RUSC2: variants seen among roughly 807,000 people sequenced by gnomAD.
RUSC2 encodes RUN and SH3 domain containing 2.
RUSC2 carries 34 observed loss-of-function variants against 122.2 expected under a neutral mutation model. The ratio of observed to expected loss-of-function variants is 0.28; its 90% CI spans 0.21 to 0.37. RUSC2 has a LOEUF of 0.37. Among genes scored for constraint, RUSC2 ranks in the 10% least tolerant of loss-of-function variants. RUSC2 has a pLI of 1.00. For missense variants in RUSC2, 1,747 were observed against 1,952.4 expected (o/e 0.89, Z 1.98); for synonymous variants, 784 against 790.0 (o/e 0.99, Z 0.13).
intron 1 of RUSC2, among the ~76,000 whole-genome samples, chr9:35,490,449 C>T (rs1220089216): frequency 2.0e-5 from 3 of 152,062 alleles, no homozygotes; most frequent in African/African-American, 4.8e-5. Flanking sequence ...TCCCTTTGGG[C>T]GCCACCCCAG....
intron 1 of RUSC2, among the ~76,000 whole-genome samples, chr9:35,532,294 G>A (rs935228208): frequency 6.6e-6 from 1 of 152,204 alleles, no homozygotes; most frequent in African/African-American, 2.4e-5. Context: ...GAAATCAACG[G>A]CAAAGGTAAT....
chr9:35,533,017 G>A (rs559924801), intron 1 of RUSC2, among the ~76,000 whole-genome samples: 1 of 151,976 alleles, frequency 6.6e-6, no homozygotes, highest in South Asian at 2.1e-4. Context: ...AGGCCTAGGC[G>A]AGCAGATCAC....
intron 1 of RUSC2, among the ~76,000 whole-genome samples, chr9:35,494,034 A>G (rs1028146016): frequency 2.6e-5 from 4 of 151,396 alleles, no homozygotes; most frequent in Admixed American, 2.0e-4. Flanking sequence ...GTTTATGTTT[A>G]TTTATTTATT....
intron 1 of RUSC2, among the ~76,000 whole-genome samples, chr9:35,533,413 C>T (rs1414344933): frequency 1.3e-5 from 2 of 152,172 alleles, no homozygotes; most frequent in Non-Finnish European, 2.9e-5. Context: ...CTCTGTGGAG[C>T]TGAGCAACAC....
chr9:35,551,449 G>A (rs1298358037), intron 2 of RUSC2, among the ~76,000 whole-genome samples: 1 of 152,166 alleles, frequency 6.6e-6, no homozygotes, highest in Non-Finnish European at 1.5e-5. Flanking sequence ...AGATCTCTAG[G>A]GAAGGGGCAG....
intron 1 of RUSC2, among the ~76,000 whole-genome samples, chr9:35,514,943 A>G (rs2132509723): frequency 6.6e-6 from 1 of 152,292 alleles, no homozygotes; most frequent in Middle Eastern, 3.4e-3. Flanking sequence ...ATTCCACCAT[A>G]ACTCGGTCAA....
rs184390147 is a variant in RUSC2, at chr9:35,556,233, C to T, written c.2843-75C>T. ...CAGTCCCAAAGGAACGTGTCTCAGA[C>T]GGTACGAGGCACTGAACTGGCCTGG... On this transcript the variant is annotated intron_variant, in intron 4 of 11. Transcript: ENST00000361226. 1.2e-4 allele frequency: 192 copies of T among 1,597,458 alleles called. No individual in the cohort carries two copies. In the East Asian group the frequency reaches 2.5e-3, roughly 21 times the overall value.
At chr9:35,507,211 T>A (rs12348446) in intron 1 of RUSC2, among the ~76,000 whole-genome samples, 1 of 152,106 alleles carries the variant, frequency 6.6e-6, no homozygotes, top group East Asian at 1.9e-4. Flanking sequence ...ATATATAAAT[T>A]TTGCATGGAT....
chr9:35,539,608 T>C (rs1194927867), intron 1 of RUSC2, among the ~76,000 whole-genome samples: 1 of 152,014 alleles, frequency 6.6e-6, no homozygotes, highest in Non-Finnish European at 1.5e-5. Context: ...TACATGCACA[T>C]AGACACACAT....
Position 35,560,171 on chromosome 9 carries a change from G to A in RUSC2, c.3531G>A (p.Arg1177=), listed in dbSNP as rs1487920333. ...PFSLDLLFQH[R]LLQSGQQQRQ... ...GCCTCGACTTGCTGTTCCAGCACCG[G>A]CTGCTGCAAAGTGGGCAGCAGCAGC... Residue 1177 remains arginine, a synonymous_variant, in exon 10 of 12, where the codon CGG becomes CGA. Coordinates refer to ENST00000361226, the MANE Select transcript of RUSC2 (RefSeq NM_014806.5). The A allele has an allele frequency of 6.2e-7, 1 of 1,607,426 alleles. No individual in the cohort carries two copies. Among genetic ancestry groups the A allele is most frequent in the Non-Finnish European group, 8.5e-7 (1 of 1,179,888 alleles).
chr9:35,493,175 G>C (rs1229058852), intron 1 of RUSC2, among the ~76,000 whole-genome samples: 1 of 151,924 alleles, frequency 6.6e-6, no homozygotes, highest in Admixed American at 6.6e-5. Context: ...TCTGCTGTTT[G>C]TTTCTTTGTG....
intron 1 of RUSC2, among the ~76,000 whole-genome samples, chr9:35,533,091 AC>A (rs1028781932): frequency 6.6e-6 from 1 of 152,064 alleles, no homozygotes; most frequent in African/African-American, 2.4e-5. Flanking sequence ...ACTAAAAAAT[AC>A]AAAAATTAGC....
At chr9:35,531,104 C>CA (rs1403867552) in intron 1 of RUSC2, among the ~76,000 whole-genome samples, 2 of 151,762 alleles carry the variant, frequency 1.3e-5, no homozygotes, top group Non-Finnish European at 2.9e-5. Flanking sequence ...CTAAAAAATA[C>CA]AAAAAAATTA....
At chr9:35,507,714 C>T in intron 1 of RUSC2, 1 of 229,478 alleles carries the variant, frequency 4.4e-6, no homozygotes, top group Non-Finnish European at 9.1e-6. Flanking sequence ...CTATGGTGGG[C>T]AGAGTAAGCC....
In RUSC2 at chr9:35,555,364, G is replaced by A; in HGVS notation, c.2319G>A (p.Arg773=). The change falls in exon 3 of 12, where the codon CGG becomes CGA. Residue 773 remains arginine (R), a synonymous_variant. Coordinates refer to ENST00000361226, the MANE Select transcript of RUSC2 (RefSeq NM_014806.5). This position sits in a 1 kb window ranked among gnomAD's most constrained non-coding sequence, Gnocchi z 4.6. ...RKAGSEPETS[R]PSPLGSYSPI... is the part of the protein sequence containing the mutation. ...CTGGGTCTGAGCCAGAGACCTCTCG[G>A]CCATCGCCCCTGGGCAGCTACTCCC... 6.2e-7 allele frequency: 1 copy of A among 1,614,224 alleles called. No individual in the cohort carries two copies. Among genetic ancestry groups the A allele is most frequent in the African/African-American group, 1.3e-5 (1 of 75,058 alleles).
rs1476885109 is a variant in RUSC2, at chr9:35,509,846, C to T, written c.-93+19674C>T. 7.2e-5 allele frequency among the ~76,000 whole-genome samples: 11 copies of T among 152,286 alleles called. No homozygotes were observed. In the East Asian group the frequency reaches 2.1e-3, roughly 29 times the overall value. On this transcript the variant is annotated intron_variant, in intron 1 of 11. Coordinates refer to ENST00000361226, the MANE Select transcript of RUSC2 (RefSeq NM_014806.5). ...ATCTTCTCTGTAACTCCTACCACCA[C>T]CCTGTAGGAAGGTATTATCCCCATT...
At chr9:35,544,079 A>G (rs1564261291) in intron 1 of RUSC2, among the ~76,000 whole-genome samples, 1 of 152,138 alleles carries the variant, frequency 6.6e-6, no homozygotes, top group Non-Finnish European at 1.5e-5. Flanking sequence ...GCAATGTTTC[A>G]GGGTTCCAGT....
At chr9:35,492,344 C>T (rs992964039) in intron 1 of RUSC2, among the ~76,000 whole-genome samples, 2 of 151,984 alleles carry the variant, frequency 1.3e-5, no homozygotes, top group East Asian at 1.9e-4. Context: ...CTTCCTGTTA[C>T]TCATACACAA....
chr9:35,490,365 C>CCTTCTGACCCTTGGCCTT (rs1820541196), intron 1 of RUSC2, among the ~76,000 whole-genome samples, 193 bp downstream of exon 1: 1 of 152,100 alleles, frequency 6.6e-6, no homozygotes, highest in Non-Finnish European at 1.5e-5. Flanking sequence ...CGTCCCCAGC[C>CCTTCTGACCCTTGGCCTT]CTTCTGACCC....
Sources: gnomAD v4.1 joint callset for allele counts (sites outside exome capture counted in the v4.1 genomes callset) on GRCh38, gnomAD v4.1.1 for gene constraint, Gnocchi (gnomAD v3.1) non-coding constraint, MANE v1.5 for transcripts, NCBI Gene and HGNC (gene_info 2026-07-23, HGNC 2026-07-21) for gene names.